MICALL1: variants seen among roughly 807,000 people sequenced by gnomAD.
MICALL1 encodes MICAL-like protein 1.
In MICALL1, 61 loss-of-function variants were observed where a neutral mutation model predicts 83.7. The ratio of observed to expected loss-of-function variants is 0.73; its 90% confidence interval spans 0.59 to 0.90. MICALL1 has a LOEUF of 0.90. Ranked by LOEUF, MICALL1 falls within the 40% of genes least tolerant of loss-of-function variation. The probability of loss-of-function intolerance (pLI) is 0.00; values close to 1 mark genes in which losing one functional copy is unlikely to be tolerated. For synonymous variants in MICALL1, 481 were observed against 473.6 expected (o/e 1.02, Z -0.20); for missense variants, 1,066 against 1,152.0 (o/e 0.93, Z 1.08).
chr22:37,928,260 G>A (rs955485484), intron 9 of MICALL1, among the ~76,000 whole-genome samples: 4 of 151,900 alleles, frequency 2.6e-5, no homozygotes, highest in African/African-American at 9.7e-5. Context: ...AGCCTGGAGT[G>A]CAGTGGTGTG....
chr22:37,906,564 C>T lies in MICALL1; in HGVS notation c.142C>T (p.Leu48=). 8.5e-7 allele frequency: 1 copy of T among 1,173,670 alleles called. No individual in the cohort carries two copies. Among genetic ancestry groups the T allele is most frequent in the Non-Finnish European group, 1.1e-6 (1 of 944,814 alleles). The allele number at this position is 1,173,670 out of a possible 1,614,324, so 72.7% of individuals were successfully genotyped here. A position where few individuals can be genotyped will look rare whatever the true frequency, so the allele number is the denominator to read the frequency against. ...CAILHRHRPD[L]LDFDSLSKDN... ...CATCCTGCACCGGCACCGGCCCGAC[C>T]TGCTGTGAGTGCGGGGCCCCGGGCG... The change falls in exon 1 of 16, where the codon CTG becomes TTG. Residue 48 remains leucine (L), a synonymous_variant. Coordinates refer to ENST00000215957, the MANE Select transcript of MICALL1 (RefSeq NM_033386.4). The surrounding 1 kb of genome is among the most constrained non-coding windows in gnomAD (Gnocchi z 4.4).
At chr22:37,919,405 G>A (rs1201422059) in intron 5 of MICALL1, among the ~76,000 whole-genome samples, 3 of 152,184 alleles carry the variant, frequency 2.0e-5, no homozygotes, top group Non-Finnish European at 4.4e-5. Context: ...TCCTTCCAGC[G>A]CCTACGCTTT....
At chr22:37,926,425 C>G in intron 8 of MICALL1, 1 of 214,178 alleles carries the variant, frequency 4.7e-6, no homozygotes, top group Non-Finnish European at 9.4e-6. Flanking sequence ...TGAATCCTGC[C>G]TAACTCTGTC....
In MICALL1 at chr22:37,931,845, C is replaced by T. The variant is rs772779394; in HGVS notation, c.1928C>T (p.Ala643Val). Reference sequence around the variant, plus strand: ...TTTAACCGGAAGCCATCACCTGCAGCGTCCCCAGCCACAAAGAAGGCCACC... The same window carrying T: ...TTTAACCGGAAGCCATCACCTGCAGTGTCCCCAGCCACAAAGAAGGCCACC... ...NPFNRKPSPAASPATKKATKG... is the reference protein window; with the variant it reads ...NPFNRKPSPAVSPATKKATKG... The change falls in exon 10 of 16, where the codon GCG (alanine) becomes GTG (valine). Residue 643 changes from alanine to valine, a missense_variant. Ala to Val is a moderately conservative substitution (Grantham distance 64, BLOSUM62 0). Coordinates refer to ENST00000215957, the MANE Select transcript of MICALL1 (RefSeq NM_033386.4). The T allele has an allele frequency of 2.4e-5, 38 of 1,614,030 alleles. No individual in the cohort carries two copies. Among genetic ancestry groups the T allele is most frequent in the Admixed American group, 1.7e-4 (10 of 60,008 alleles).
intron 13 of MICALL1, 139 bp downstream of exon 13, chr22:37,933,251 G>A (rs1371099569): frequency 1.6e-5 from 13 of 818,324 alleles, no homozygotes; most frequent in Non-Finnish European, 2.5e-5. Context: ...GTGCGGGGCA[G>A]GGCTGTCTGG....
rs192522420 is a variant in MICALL1 at position 37,932,838 on chromosome 22, C to T, written c.2184C>T (p.Leu728=). Residue 728 remains leucine (L), a synonymous_variant, in exon 12 of 16, where the codon CTC becomes CTT. Coordinates refer to ENST00000215957, the MANE Select transcript of MICALL1 (RefSeq NM_033386.4). The surrounding 1 kb of genome is among the most constrained non-coding windows in gnomAD (Gnocchi z 4.4). The stretch of plus-strand genomic sequence containing the variant: ...ACATGCTGGTGGACTGGTTCAAGCT[C>T]ATCCACGAGAAGCACCTACTGGTGC... The part of the protein sequence containing the change: ...EDDMLVDWFK[L]IHEKHLLVRR... 1.2e-5 allele frequency: 19 copies of T among 1,614,118 alleles called. No individual in the cohort carries two copies. The highest frequency in any genetic ancestry group is 9.3e-5 in the African/African-American group (7 of 75,022).
chr22:37,938,275 G>A (rs1408937552), intron 15 of MICALL1, among the ~76,000 whole-genome samples: 1 of 151,872 alleles, frequency 6.6e-6, no homozygotes, highest in Non-Finnish European at 1.5e-5. Flanking sequence ...GGTGGCGAGA[G>A]CTTGTAGTCC....
chr22:37,937,233 C>A, intron 14 of MICALL1, 39 bp downstream of exon 14: 20 of 1,420,574 alleles, frequency 1.4e-5, no homozygotes, highest in Non-Finnish European at 1.7e-5. Flanking sequence ...GGGGCAGGGC[C>A]AGAGCAGGTC....
rs1930404237 is a variant in MICALL1, at chr22:37,940,925, C to T, written c.*95C>T. Reference sequence around the variant, plus strand: ...GGCGCCCTGCTCCCCTCAGATCAGTCAGGAGGAAGATGACTAAGGGGAGGG... The same window carrying T: ...GGCGCCCTGCTCCCCTCAGATCAGTTAGGAGGAAGATGACTAAGGGGAGGG... On this transcript the variant is annotated 3_prime_UTR_variant, in exon 16 of 16. Coordinates refer to ENST00000215957, the MANE Select transcript of MICALL1 (RefSeq NM_033386.4). The T allele has an allele frequency of 7.9e-6, 12 of 1,516,184 alleles. No homozygotes were observed. Among genetic ancestry groups the T allele is most frequent in the Non-Finnish European group, 1.1e-5 (12 of 1,115,784 alleles). The allele number at this position is 1,516,184 out of a possible 1,614,324, so 93.9% of individuals were successfully genotyped here.
At chr22:37,917,352 C>A (rs941756961) in intron 3 of MICALL1, among the ~76,000 whole-genome samples, 1 of 152,192 alleles carries the variant, frequency 6.6e-6, no homozygotes, top group African/African-American at 2.4e-5. Flanking sequence ...CCTTTCTTTT[C>A]CTTTCCTTCA....
Position 37,906,584 on chromosome 22 carries a change from C to G in MICALL1, c.146+16C>G, listed in dbSNP as rs1927959103. 2 of 1,132,740 alleles carry G rather than the reference C, an allele frequency of 1.8e-6. No individual in the cohort carries two copies. Among genetic ancestry groups the G allele is most frequent in the Non-Finnish European group, 2.2e-6 (2 of 921,126 alleles). 70.2% of individuals were successfully genotyped at this position (1,132,740 alleles called of 1,614,324 possible). A position where few individuals can be genotyped will look rare whatever the true frequency, so the allele number is the denominator to read the frequency against. On this transcript the variant is annotated intron_variant, in intron 1 of 15. Coordinates refer to ENST00000215957, the MANE Select transcript of MICALL1 (RefSeq NM_033386.4). This position sits in a 1 kb window ranked among gnomAD's most constrained non-coding sequence, Gnocchi z 4.4. ...CCGACCTGCTGTGAGTGCGGGGCCCCGGGCGAGCGGGCGGCGCGGGGCGGG... is the reference window on the plus strand; with the variant it reads ...CCGACCTGCTGTGAGTGCGGGGCCCGGGGCGAGCGGGCGGCGCGGGGCGGG...
chr22:37,907,826 C>A (rs1234776016), intron 1 of MICALL1, among the ~76,000 whole-genome samples: 1 of 152,176 alleles, frequency 6.6e-6, no homozygotes, highest in Non-Finnish European at 1.5e-5. Context: ...TGTAGGTGGG[C>A]CCCTGCCCGC....
intron 1 of MICALL1, 132 bp from the exon 2 acceptor site, chr22:37,911,820 C>G: frequency 1.2e-6 from 1 of 852,448 alleles, no homozygotes; most frequent in Non-Finnish European, 2.0e-6. Flanking sequence ...GACTCCCCCC[C>G]AGCAACCCTG....
chr22:37,936,664 G>A (rs563827210), intron 13 of MICALL1, among the ~76,000 whole-genome samples: 44 of 152,270 alleles, frequency 2.9e-4, no homozygotes, highest in African/African-American at 1.0e-3. Flanking sequence ...AGGCTGAGAC[G>A]GGTGGATCAC....
intron 13 of MICALL1, among the ~76,000 whole-genome samples, chr22:37,934,052 C>T (rs951334517): frequency 1.3e-5 from 2 of 152,224 alleles, no homozygotes; most frequent in Admixed American, 1.3e-4. Context: ...CTGCAGGAGG[C>T]TGGGGCGTGG....
intron 3 of MICALL1, among the ~76,000 whole-genome samples, chr22:37,914,091 G>C (rs543859897): frequency 6.6e-6 from 1 of 151,900 alleles, no homozygotes; most frequent in East Asian, 1.9e-4. Flanking sequence ...GGCCAGGCTG[G>C]TCTCAAACTC....
intron 9 of MICALL1, among the ~76,000 whole-genome samples, chr22:37,931,449 G>C (rs1929781471): frequency 6.6e-6 from 1 of 152,070 alleles, no homozygotes. Context: ...AGCTTCTCGA[G>C]AGGCTGAGCT....
intron 15 of MICALL1, 117 bp from the exon 16 acceptor site, chr22:37,940,592 T>G: frequency 2.4e-6 from 3 of 1,228,402 alleles, no homozygotes; most frequent in Non-Finnish European, 3.4e-6. Flanking sequence ...ACACAGGAAG[T>G]GGTGGGGCTG....
intron 3 of MICALL1, among the ~76,000 whole-genome samples, chr22:37,916,698 G>C (rs144684208): frequency 6.6e-6 from 1 of 152,302 alleles, no homozygotes; most frequent in East Asian, 1.9e-4. Flanking sequence ...AGGAGCTGCA[G>C]CCTGCTCAGG....
Sources: gnomAD v4.1 joint callset for allele counts (sites outside exome capture counted in the v4.1 genomes callset) on GRCh38, gnomAD v4.1.1 for gene constraint, Gnocchi (gnomAD v3.1) non-coding constraint, MANE v1.5 for transcripts, NCBI Gene and HGNC (gene_info 2026-07-23, HGNC 2026-07-21) for gene names.